RYR2: variants seen among roughly 807,000 people sequenced by gnomAD.
RYR2 encodes ryanodine receptor 2.
RYR2 carries 227 observed loss-of-function variants against 601.1 expected under a neutral mutation model. The ratio of observed to expected loss-of-function variants is 0.38; its 90% confidence interval spans 0.34 to 0.42. The LOEUF (loss-of-function observed/expected upper bound fraction) is 0.42. Ranked by LOEUF, RYR2 falls within the 10% of genes least tolerant of loss-of-function variation. RYR2 has a pLI of 1.00. For missense variants in RYR2, 4,646 were observed against 6,156.5 expected, an observed-to-expected ratio of 0.75 and a Z score of 8.21; for synonymous variants, 2,223 against 2,175.1, an observed-to-expected ratio of 1.02 and a Z score of -0.61.
intron 2 of RYR2, among the ~76,000 whole-genome samples, chr1:237,318,719 G>A (rs1233199356): frequency 6.6e-6 from 1 of 151,972 alleles, no homozygotes; most frequent in East Asian, 1.9e-4. Flanking sequence ...TTCTCTTACT[G>A]CTTTAAATAC....
chr1:237,341,514 A>G (rs1409655992), intron 3 of RYR2: 1 of 384,392 alleles, frequency 2.6e-6, no homozygotes, highest in Non-Finnish European at 5.4e-6. Context: ...TCTGAAGACT[A>G]TGTATTCGCG....
At chr1:237,620,822 A>G (rs1293161923) in intron 38 of RYR2, among the ~76,000 whole-genome samples, 2 of 152,130 alleles carry the variant, frequency 1.3e-5, no homozygotes, top group African/African-American at 4.8e-5. Context: ...ATCCAAAATT[A>G]TCTTGCAGAA....
At chr1:237,270,309 T>C in intron 1 of RYR2, 188 bp from the exon 2 acceptor site, 1 of 833,412 alleles carries the variant, frequency 1.2e-6, no homozygotes, top group Non-Finnish European at 2.0e-6. Context: ...AGTTGCCTTT[T>C]TGCAAATAAA....
intron 3 of RYR2, among the ~76,000 whole-genome samples, chr1:237,331,728 A>C (rs1223195073): frequency 3.1e-4 from 46 of 147,742 alleles, no homozygotes; most frequent in Admixed American, 1.8e-3. Context: ...GTTGGCCAGG[A>C]TGGTCTTGAC....
intron 35 of RYR2, among the ~76,000 whole-genome samples, chr1:237,602,668 C>T (rs371882439): frequency 3.3e-5 from 5 of 152,146 alleles, no homozygotes; most frequent in South Asian, 2.1e-4. Context: ...TCAGTGTAAC[C>T]GTAACAAAGG....
chr1:237,055,213 G>A (rs1661835156), intron 1 of RYR2, among the ~76,000 whole-genome samples: 1 of 152,162 alleles, frequency 6.6e-6, no homozygotes, highest in Non-Finnish European at 1.5e-5. Context: ...TGACGGGCGA[G>A]TACTGCTGTG....
chr1:237,652,885 A>G (rs553239004), intron 51 of RYR2, among the ~76,000 whole-genome samples: 134 of 152,040 alleles, frequency 8.8e-4, no homozygotes, highest in Non-Finnish European at 1.4e-3. Flanking sequence ...GTATGTGTCC[A>G]TTTTTTTTAA....
intron 79 of RYR2, among the ~76,000 whole-genome samples, chr1:237,734,048 G>T (rs1690922607): frequency 6.6e-6 from 1 of 152,186 alleles, no homozygotes; most frequent in Non-Finnish European, 1.5e-5. Flanking sequence ...CACCTTTGTG[G>T]AGTTTTTTGT....
intron 10 of RYR2, among the ~76,000 whole-genome samples, chr1:237,397,144 A>C (rs1282493203): frequency 1.1e-4 from 16 of 151,942 alleles, no homozygotes; most frequent in Admixed American, 9.8e-4. Flanking sequence ...TGGCTGAGAC[A>C]GGAGAATCGC....
At chr1:237,127,677 C>A (rs1408960002) in intron 1 of RYR2, among the ~76,000 whole-genome samples, 1 of 149,250 alleles carries the variant, frequency 6.7e-6, no homozygotes, top group Non-Finnish European at 1.5e-5. Flanking sequence ...ACGGGGCGGC[C>A]GGGCAGAGAT....
intron 100 of RYR2, among the ~76,000 whole-genome samples, chr1:237,816,452 G>A (rs536502794): frequency 5.9e-5 from 9 of 152,138 alleles, no homozygotes; most frequent in Non-Finnish European, 1.0e-4. Flanking sequence ...TTGGGAGGCC[G>A]AGGCGGGCGG....
chr1:237,322,402 A>C (rs1411621117), intron 2 of RYR2, among the ~76,000 whole-genome samples: 1 of 152,126 alleles, frequency 6.6e-6, no homozygotes, highest in East Asian at 1.9e-4. Flanking sequence ...GTTTGTGTGA[A>C]TTATTTTTCC....
In RYR2 at chr1:237,205,451, TGG is replaced by T. The variant is rs372813504; in HGVS notation, c.49-65042_49-65041del. ...GGTGCTTGCAAACATATGGATGCCA[TGG>T]GGGATCCGAGCCTGCAGTGCCATGG... is the stretch of plus-strand genomic sequence containing the variant. On this transcript the variant is annotated intron_variant, in intron 1 of 104. Coordinates refer to ENST00000366574, the MANE Select transcript of RYR2 (RefSeq NM_001035.3). Among the ~76,000 whole-genome samples, 7 of 152,176 alleles carry T rather than the reference TGG, an allele frequency of 4.6e-5. No individual in the cohort carries two copies. In the East Asian group the frequency reaches 1.2e-3, roughly 25 times the overall value.
At chr1:237,338,496 A>T (rs1276686826) in intron 3 of RYR2, among the ~76,000 whole-genome samples, 1 of 152,230 alleles carries the variant, frequency 6.6e-6, no homozygotes, top group African/African-American at 2.4e-5. Flanking sequence ...ATGAGGATAT[A>T]TATAAATGCA....
At position 237,670,810 on chromosome 1, in the gene RYR2, C is replaced by T. The variant is rs1449041078; in HGVS notation, c.8590+2852C>T. Among the ~76,000 whole-genome samples, 3 of 152,206 alleles carry T rather than the reference C, an allele frequency of 2.0e-5. No homozygotes were observed. The East Asian group carries it at 5.8e-4, about 29-fold the overall frequency. ...TGGTTCAGCATCCCAAATCCCAAATCCAAAAGCTTAAATGCTCCAATAAGT... is the reference window on the plus strand; with the variant it reads ...TGGTTCAGCATCCCAAATCCCAAATTCAAAAGCTTAAATGCTCCAATAAGT... On this transcript the variant is annotated intron_variant, in intron 58 of 104. Coordinates refer to ENST00000366574, the MANE Select transcript of RYR2 (RefSeq NM_001035.3).
At chr1:237,799,530 C>T (rs1000355937) in intron 97 of RYR2, among the ~76,000 whole-genome samples, 1 of 151,950 alleles carries the variant, frequency 6.6e-6, no homozygotes, top group Non-Finnish European at 1.5e-5. Context: ...AAGTTTGACC[C>T]CTAGCAAAGT....
rs1334623657 is a variant in RYR2, at chr1:237,732,223, T to C, written c.11039+74T>C. On this transcript the variant is annotated intron_variant, in intron 78 of 104. Coordinates refer to ENST00000366574, the MANE Select transcript of RYR2 (RefSeq NM_001035.3). ...ACCCGTGTCTGAGTATTCTGTGCCA[T>C]GTGTTCATGTTTTAAGTTCATCTTG... is the stretch of plus-strand genomic sequence containing the variant. 1.4e-5 allele frequency: 12 copies of C among 839,930 alleles called. 1 individual carries two copies. The South Asian group carries it at 1.6e-4, about 11-fold the overall frequency. 52.0% of individuals were successfully genotyped at this position (839,930 alleles called of 1,614,324 possible).
At chr1:237,511,898 A>AT (rs1282678665) in intron 24 of RYR2, 107 bp downstream of exon 24, 12 of 711,564 alleles carry the variant, frequency 1.7e-5, no homozygotes, top group Non-Finnish European at 2.7e-5. Flanking sequence ...CTGTGAAGTG[A>AT]TTTTTAATTC....
At chr1:237,535,842 A>C (rs962906265) in intron 25 of RYR2, among the ~76,000 whole-genome samples, 1 of 152,240 alleles carries the variant, frequency 6.6e-6, no homozygotes, top group Non-Finnish European at 1.5e-5. Flanking sequence ...TCATATGATC[A>C]TCCCAATGTA....
Sources: allele counts gnomAD v4.1 joint callset (sites outside exome capture counted in the v4.1 genomes callset), GRCh38; gene constraint gnomAD v4.1.1; transcripts MANE v1.5; gene names NCBI Gene and HGNC (gene_info 2026-07-23, HGNC 2026-07-21).